TRMT44: variants seen among roughly 807,000 people sequenced by gnomAD.
TRMT44 encodes probable tRNA (uracil-O(2)-)-methyltransferase.
In TRMT44, 78 loss-of-function variants were observed where a neutral mutation model predicts 77.3. That is an observed-to-expected ratio of 1.01 (90% CI 0.84 to 1.22). The LOEUF is 1.22. TRMT44 is among the 50% of genes most tolerant of loss of function. The pLI, the probability that TRMT44 is intolerant of heterozygous loss-of-function variation, is 0.00. For synonymous variants in TRMT44, 391 were observed against 383.3 expected, an observed-to-expected ratio of 1.02 and a Z score of -0.23; for missense variants, 1,090 against 964.4, an observed-to-expected ratio of 1.13 and a Z score of -1.73.
chr4:8,445,733 C>T (rs1725016442), intron 1 of TRMT44, among the ~76,000 whole-genome samples: 1 of 152,256 alleles, frequency 6.6e-6, no homozygotes, highest in African/African-American at 2.4e-5. Flanking sequence ...CCCCTTCAGC[C>T]TCTGCTTCCT....
At chr4:8,445,218 C>T (rs1724985362) in intron 1 of TRMT44, among the ~76,000 whole-genome samples, 1 of 152,210 alleles carries the variant, frequency 6.6e-6, no homozygotes, top group African/African-American at 2.4e-5. Context: ...TCTCTAACTC[C>T]TGGTTTCAAG....
chr4:8,490,743 G>A lies in TRMT44; in HGVS notation n.3892-2523G>A, dbSNP rs1463500453. Among the ~76,000 whole-genome samples the A allele has an allele frequency of 5.3e-5, 8 of 152,184 alleles. No individual in the cohort carries two copies. The South Asian group carries it at 1.7e-3, about 32-fold the overall frequency. On this transcript the variant is annotated intron_variant and non_coding_transcript_variant, in intron 2 of 2. Coordinates refer to the TRMT44 transcript ENST00000511366. Reference sequence around the variant, plus strand: ...AGAACAAAGCTTCCACAGTGTGGAAGGGGCCCCGAGCGGGTTGCCACTGCT... The same window carrying A: ...AGAACAAAGCTTCCACAGTGTGGAAAGGGCCCCGAGCGGGTTGCCACTGCT...
At chr4:8,506,400 G>A in the TRMT44 span, among the ~76,000 whole-genome samples, 1 of 152,256 alleles carries the variant, frequency 6.6e-6, no homozygotes, top group Non-Finnish European at 1.5e-5. Context: ...TTAACAGTCT[G>A]TTTAGCCAGA....
chr4:8,476,214 T>A lies in TRMT44; in HGVS notation c.*213T>A. 1.7e-6 allele frequency: 1 copy of A among 594,168 alleles called. No individual in the cohort carries two copies. Among genetic ancestry groups the A allele is most frequent in the Non-Finnish European group, 3.0e-6 (1 of 334,978 alleles). 36.8% of individuals were successfully genotyped at this position (594,168 alleles called of 1,614,324 possible). A position where few individuals can be genotyped will look rare whatever the true frequency, so the allele number is the denominator to read the frequency against. ...GGAAGCCCCCAGCTGACTGCCTGGC[T>A]TGTTTCAGATGCAGCCGCTTGAAAC... is the stretch of plus-strand genomic sequence containing the variant. On this transcript the variant is annotated 3_prime_UTR_variant, in exon 11 of 11. Coordinates refer to ENST00000389737, the MANE Select transcript of TRMT44 (RefSeq NM_152544.3).
intron 6 of TRMT44, among the ~76,000 whole-genome samples, chr4:8,456,682 A>G (rs1314706374): frequency 6.6e-6 from 1 of 152,248 alleles, no homozygotes; most frequent in Non-Finnish European, 1.5e-5. Flanking sequence ...AAGCATACAT[A>G]CAGACTCTAA....
Position 8,468,224 on chromosome 4 carries a change from C to T in TRMT44, c.1805C>T (p.Ala602Val). 1.2e-6 allele frequency: 2 copies of T among 1,614,226 alleles called. No individual in the cohort carries two copies. The highest frequency in any genetic ancestry group is 1.6e-4 in the Middle Eastern group (1 of 6,062). ...AAGGCTGAGCGTGTGAGGAACTGTG[C>T]CGCCCTGCCACGAGATTTTATTGAC... ...REKAERVRNC[A>V]ALPRDFIDQV... Residue 602 changes from alanine to valine, a missense_variant, in exon 9 of 11, where the codon GCC becomes GTC. Physicochemically the swap from Ala to Val is moderately conservative, Grantham distance 64 (BLOSUM62 0). Transcript: ENST00000389737.
intron 6 of TRMT44, among the ~76,000 whole-genome samples, chr4:8,462,742 T>G (rs985112389): frequency 6.6e-5 from 10 of 151,964 alleles, no homozygotes; most frequent in African/African-American, 2.4e-4. Context: ...ACAAAAAAAC[T>G]TCATAAAACA....
chr4:8,488,059 G>T (rs907376165), intron 2 of TRMT44, among the ~76,000 whole-genome samples: 2 of 152,210 alleles, frequency 1.3e-5, no homozygotes, highest in African/African-American at 2.4e-5. Flanking sequence ...AAAGGAGAAA[G>T]AGGTTGAGTG....
chr4:8,511,089 C>A, the TRMT44 span: 1 of 152,234 alleles, frequency 6.6e-6, no homozygotes, highest in Non-Finnish European at 1.5e-5. Context: ...CCGTGGGAGA[C>A]TGGTTACTCC....
intron 5 of TRMT44, 181 bp from the exon 6 acceptor site, chr4:8,454,561 G>A (rs569846847): frequency 1.7e-5 from 10 of 603,496 alleles, no homozygotes; most frequent in South Asian, 1.4e-4. Flanking sequence ...GCTGGCCATC[G>A]TATCACAGGG....
intron 8 of TRMT44, among the ~76,000 whole-genome samples, chr4:8,466,330 G>A (rs974703629): frequency 2.7e-5 from 4 of 148,850 alleles, no homozygotes; most frequent in South Asian, 4.2e-4. Context: ...CGGGCTGATC[G>A]CGGAGCTCCG....
At chr4:8,442,566 C>T (rs1479513923) in intron 1 of TRMT44, among the ~76,000 whole-genome samples, 3 of 152,346 alleles carry the variant, frequency 2.0e-5, no homozygotes, top group African/African-American at 4.8e-5. Context: ...CTGGTTTCTC[C>T]GCTGTGGGTC....
intron 2 of TRMT44, among the ~76,000 whole-genome samples, chr4:8,483,733 T>C (rs146363511): frequency 0.023 from 3,469 of 152,288 alleles, 69 homozygotes; most frequent in African/African-American, 0.054. Context: ...CAATAAAGGC[T>C]GGTCTGCTAT....
At chr4:8,464,570 C>T (rs1306660141) in intron 7 of TRMT44, among the ~76,000 whole-genome samples, 3 of 152,188 alleles carry the variant, frequency 2.0e-5, no homozygotes, top group Non-Finnish European at 4.4e-5. Flanking sequence ...TCCTCGTTGA[C>T]GTTTCGTTGC....
intron 2 of TRMT44, among the ~76,000 whole-genome samples, chr4:8,487,632 G>T (rs142156339): frequency 9.9e-5 from 15 of 151,334 alleles, no homozygotes; most frequent in African/African-American, 3.4e-4. Flanking sequence ...AGGTCGGGGC[G>T]TGGAAATAAG....
downstream of TRMT44, among the ~76,000 whole-genome samples, chr4:8,481,065 A>G (rs1703878333): frequency 6.6e-6 from 1 of 152,224 alleles, no homozygotes; most frequent in Non-Finnish European, 1.5e-5. Context: ...TGAATAGGAA[A>G]CAGTTGTCAT....
rs764937866 is a variant in TRMT44 at position 8,471,210 on chromosome 4, C to A, written c.2044+10C>A. 7 of 1,508,116 alleles carry A rather than the reference C, an allele frequency of 4.6e-6. No individual in the cohort carries two copies. The highest frequency in any genetic ancestry group is 1.4e-5 in the African/African-American group (1 of 71,260). The allele number at this position is 1,508,116 out of a possible 1,614,324, so 93.4% of individuals were successfully genotyped here. A position where few individuals can be genotyped will look rare whatever the true frequency, so the allele number is the denominator to read the frequency against. Reference sequence around the variant, plus strand: ...CACCAGGTGTTCCAAGGTACGGAGTCCGCCTCTCCCCCGCCGTTCTTTCCT... The same window carrying A: ...CACCAGGTGTTCCAAGGTACGGAGTACGCCTCTCCCCCGCCGTTCTTTCCT... On this transcript the variant is annotated intron_variant, in intron 10 of 10. Transcript: ENST00000389737.
intron 2 of TRMT44, among the ~76,000 whole-genome samples, chr4:8,488,852 A>G (rs1379639169): frequency 6.6e-6 from 1 of 152,192 alleles, no homozygotes; most frequent in African/African-American, 2.4e-5. Flanking sequence ...AAAAGCTGCT[A>G]TGAGTGCTGT....
At chr4:8,501,294 GACCCCAC>G in the TRMT44 span, among the ~76,000 whole-genome samples, 2 of 152,290 alleles carry the variant, frequency 1.3e-5, no homozygotes, top group African/African-American at 4.8e-5. The surrounding 1 kb of genome is among the most constrained non-coding windows in gnomAD (Gnocchi z 4.4). Flanking sequence ...GGGCAGGAGA[GACCCCAC>G]CCCCAGTTGG....
Sources: gnomAD v4.1 joint callset for allele counts (sites outside exome capture counted in the v4.1 genomes callset) on GRCh38, gnomAD v4.1.1 for gene constraint, Gnocchi (gnomAD v3.1) non-coding constraint, MANE v1.5 for transcripts, NCBI Gene and HGNC (gene_info 2026-07-23, HGNC 2026-07-21) for gene names.